Variants in OPCML observed in about 807,000 individuals in gnomAD.
OPCML encodes the protein opioid-binding protein/cell adhesion molecule.
Under a neutral mutation model 37.8 loss-of-function variants are expected in OPCML, and 13 were observed. That is an observed-to-expected ratio of 0.34 (90% CI 0.22 to 0.55). The LOEUF is 0.55. Ranked by LOEUF, OPCML falls within the 20% of genes least tolerant of loss-of-function variation. OPCML has a pLI of 0.91. For synonymous variants in OPCML, 176 were observed against 168.8 expected, an observed-to-expected ratio of 1.04 and a Z score of -0.33; for missense variants, 341 against 435.6, an observed-to-expected ratio of 0.78 and a Z score of 1.93.
chr11:132,637,637 A>T (rs1259405031), intron 3 of OPCML, among the ~76,000 whole-genome samples: 1 of 152,088 alleles, frequency 6.6e-6, no homozygotes, highest in East Asian at 1.9e-4. Context: ...TATGTATCTA[A>T]GTTCTACTTT....
chr11:132,626,695 T>A (rs1004568036), intron 3 of OPCML, among the ~76,000 whole-genome samples: 1 of 149,472 alleles, frequency 6.7e-6, no homozygotes. Flanking sequence ...TATGAGCCTT[T>A]AAAAAAAAAA....
intron 1 of OPCML, among the ~76,000 whole-genome samples, chr11:133,363,904 T>G (rs1446010561): frequency 2.0e-5 from 3 of 152,060 alleles, no homozygotes; most frequent in Non-Finnish European, 4.4e-5. Context: ...AAAGGTATAC[T>G]CCAATCTCAC....
chr11:132,857,069 G>T (rs935606094), intron 2 of OPCML, among the ~76,000 whole-genome samples: 1 of 152,140 alleles, frequency 6.6e-6, no homozygotes, highest in South Asian at 2.1e-4. Flanking sequence ...ATTTACCAAT[G>T]TTAACAATTG....
intron 4 of OPCML, among the ~76,000 whole-genome samples, chr11:132,495,308 A>G (rs747247262): frequency 2.6e-5 from 4 of 152,214 alleles, no homozygotes; most frequent in Admixed American, 2.6e-4. Context: ...CAATCTCAGA[A>G]TATTAACGTT....
At chr11:132,447,590 G>A (rs546106988) in intron 4 of OPCML, among the ~76,000 whole-genome samples, 15 of 152,202 alleles carry the variant, frequency 9.9e-5, no homozygotes, top group Admixed American at 3.9e-4. Context: ...AATTACAGGC[G>A]TGAGCCACCA....
chr11:132,871,161 C>T (rs761160467), intron 2 of OPCML, among the ~76,000 whole-genome samples: 1 of 148,954 alleles, frequency 6.7e-6, no homozygotes, highest in Non-Finnish European at 1.5e-5. Flanking sequence ...ACATGTTGTA[C>T]AAGATAAATA....
chr11:133,484,991 T>C (rs1226591219), intron 1 of OPCML, among the ~76,000 whole-genome samples: 1 of 151,990 alleles, frequency 6.6e-6, no homozygotes, highest in African/African-American at 2.4e-5. Flanking sequence ...AAATATTATA[T>C]GAAATTTTGA....
At chr11:133,092,583 G>A (rs1303321345) in intron 1 of OPCML, among the ~76,000 whole-genome samples, 2 of 152,002 alleles carry the variant, frequency 1.3e-5, no homozygotes, top group Admixed American at 6.6e-5. Context: ...AAAATTAGCT[G>A]GGCATGGTGG....
At chr11:133,078,516 G>A (rs1012158981) in intron 1 of OPCML, among the ~76,000 whole-genome samples, 7 of 152,162 alleles carry the variant, frequency 4.6e-5, no homozygotes, top group Admixed American at 6.5e-5. Context: ...AGCCTGTGCC[G>A]GAGTGAAAAG....
At chr11:132,868,661 T>C (rs1199180815) in intron 2 of OPCML, among the ~76,000 whole-genome samples, 1 of 152,138 alleles carries the variant, frequency 6.6e-6, no homozygotes, top group Non-Finnish European at 1.5e-5. Context: ...AGGGCCATTG[T>C]TTCTCTCAGC....
At chr11:133,048,806 G>A (rs185897066) in intron 1 of OPCML, among the ~76,000 whole-genome samples, 8 of 152,206 alleles carry the variant, frequency 5.3e-5, no homozygotes, top group Middle Eastern at 3.4e-3. Flanking sequence ...TCTAAGCTAT[G>A]GCTCTTTGAA....
intron 1 of OPCML, among the ~76,000 whole-genome samples, chr11:133,430,972 C>T (rs1946103774): frequency 6.6e-6 from 1 of 152,112 alleles, no homozygotes; most frequent in Non-Finnish European, 1.5e-5. Flanking sequence ...TTTAGAAGTT[C>T]ATGGGTTTCG....
intron 2 of OPCML, among the ~76,000 whole-genome samples, chr11:132,800,189 CTGCCTTT>C (rs1938563591): frequency 6.6e-6 from 1 of 152,016 alleles, no homozygotes; most frequent in Admixed American, 6.6e-5. Context: ...GTACATGAAA[CTGCCTTT>C]TAAATTTTAT....
rs191936795 is a variant in OPCML, at chr11:133,496,033, C to T, written c.61+36231G>A. ...ATCTTCTAGAATTTTTATAGTTTCA[C>T]ATCTTAGGCTTAAGTCCTTAATCCA... On this transcript the variant is annotated intron_variant, in intron 1 of 7. Transcript: ENST00000524381. Among the ~76,000 whole-genome samples, 680 of 152,298 alleles carry T rather than the reference C, an allele frequency of 4.5e-3. 7 individuals carry two copies. Among genetic ancestry groups the T allele is most frequent in the African/African-American group, 0.015 (613 of 41,580 alleles).
At chr11:133,347,513 G>A (rs1210245636) in intron 1 of OPCML, among the ~76,000 whole-genome samples, 1 of 152,134 alleles carries the variant, frequency 6.6e-6, no homozygotes, top group Non-Finnish European at 1.5e-5. Context: ...AGGCTCTTAG[G>A]GAAGTGTTTT....
intron 1 of OPCML, chr11:133,118,444 A>G (rs1949370136): frequency 2.0e-6 from 2 of 983,742 alleles, no homozygotes; most frequent in African/African-American, 1.7e-5. Context: ...GTCCTGATTA[A>G]AGTGGACTGA....
At chr11:132,937,595 G>GGTGGGTGTGT (rs1555056056) in intron 2 of OPCML, among the ~76,000 whole-genome samples, 1 of 88,734 alleles carries the variant, frequency 1.1e-5, no homozygotes, top group African/African-American at 3.7e-5. Context: ...GCGTGTGTGG[G>GGTGGGTGTGT]GTGTGTGTGT....
chr11:132,641,082 C>T (rs1306851253), intron 3 of OPCML, among the ~76,000 whole-genome samples: 1 of 152,156 alleles, frequency 6.6e-6, no homozygotes, highest in African/African-American at 2.4e-5. Flanking sequence ...ACACCTGCAA[C>T]TCTAGGCAGC....
At chr11:133,163,342 G>A (rs574858857) in intron 1 of OPCML, among the ~76,000 whole-genome samples, 118 of 152,280 alleles carry the variant, frequency 7.7e-4, no homozygotes, top group Non-Finnish European at 1.5e-3. Flanking sequence ...TGCATAGATA[G>A]AAAATGTAAT....
Sources: gnomAD v4.1 joint callset for allele counts (sites outside exome capture counted in the v4.1 genomes callset) on GRCh38, gnomAD v4.1.1 for gene constraint, MANE v1.5 for transcripts, NCBI Gene and HGNC (gene_info 2026-07-23, HGNC 2026-07-21) for gene names.